The following ANGPT1 variants were observed in gnomAD, a reference collection of about 807,000 sequenced individuals.
ANGPT1 encodes the protein angiopoietin-1.
In ANGPT1, 17 loss-of-function variants were observed where a neutral mutation model predicts 62.2. The ratio of observed to expected loss-of-function variants is 0.27; its 90% CI spans 0.19 to 0.41. ANGPT1 has a LOEUF of 0.41. ANGPT1 is among the 10% of genes least tolerant of loss of function. The pLI is 1.00. For synonymous variants in ANGPT1, 199 were observed against 198.9 expected (o/e 1.00, Z 0.00); for missense variants, 478 against 594.9 (o/e 0.80, Z 2.04).
chr8:107,266,038 T>C (rs1813605571), intron 7 of ANGPT1, among the ~76,000 whole-genome samples: 1 of 152,164 alleles, frequency 6.6e-6, no homozygotes, highest in Non-Finnish European at 1.5e-5. Flanking sequence ...TGGTTCACAG[T>C]AGTACAAATA....
chr8:107,491,017 C>T lies in ANGPT1; in HGVS notation c.297+6245G>A, dbSNP rs1050052522. ...TGTAAAATATAGTTGCATCAAATTT[C>T]ACCCATCAATTTGATTATAGTCCAA... is the stretch of plus-strand genomic sequence containing the variant. On this transcript the variant is annotated intron_variant, in intron 1 of 8. Coordinates refer to ENST00000517746, the MANE Select transcript of ANGPT1 (RefSeq NM_001146.5). Among the ~76,000 whole-genome samples the T allele has an allele frequency of 7.2e-5, 11 of 152,292 alleles. No individual in the cohort carries two copies. The East Asian group carries it at 1.9e-3, about 27-fold the overall frequency.
intron 4 of ANGPT1, among the ~76,000 whole-genome samples, chr8:107,315,972 C>T (rs1815004295): frequency 4.6e-5 from 7 of 152,140 alleles, no homozygotes; most frequent in Admixed American, 4.6e-4. Context: ...CAGACTCTGT[C>T]CCACAGGCAA....
At chr8:107,330,566 T>C (rs1005849727) in intron 3 of ANGPT1, among the ~76,000 whole-genome samples, 2 of 152,106 alleles carry the variant, frequency 1.3e-5, no homozygotes, top group African/African-American at 2.4e-5. Context: ...TAGAGGAAAA[T>C]AGTCTGACTT....
At chr8:107,288,003 A>G (rs189380518) in intron 6 of ANGPT1, among the ~76,000 whole-genome samples, 31 of 152,296 alleles carry the variant, frequency 2.0e-4, no homozygotes, top group Non-Finnish European at 3.4e-4. Flanking sequence ...CTCTTCCATG[A>G]GACTGTGAGT....
At chr8:107,388,503 C>G (rs2130296105) in intron 1 of ANGPT1, among the ~76,000 whole-genome samples, 1 of 152,180 alleles carries the variant, frequency 6.6e-6, no homozygotes, top group Non-Finnish European at 1.5e-5. Flanking sequence ...GAGTCAGGTT[C>G]CATTTTGTAA....
At chr8:107,369,656 G>C (rs1350918696) in intron 1 of ANGPT1, among the ~76,000 whole-genome samples, 1 of 152,022 alleles carries the variant, frequency 6.6e-6, no homozygotes, top group Non-Finnish European at 1.5e-5. Context: ...GCCACTGTAG[G>C]GTTATTCATT....
chr8:107,451,107 C>T (rs1811767265), intron 1 of ANGPT1, among the ~76,000 whole-genome samples: 1 of 151,768 alleles, frequency 6.6e-6, no homozygotes, highest in Non-Finnish European at 1.5e-5. Flanking sequence ...GAGAAAGTGG[C>T]TTCATATATA....
chr8:107,428,212 G>T (rs1002763319), intron 1 of ANGPT1, among the ~76,000 whole-genome samples: 2 of 152,114 alleles, frequency 1.3e-5, no homozygotes, highest in Non-Finnish European at 2.9e-5. Context: ...TTCCTTCCCA[G>T]ATGACATTCA....
chr8:107,347,423 T>C (rs1309529962), intron 1 of ANGPT1, among the ~76,000 whole-genome samples: 2 of 151,938 alleles, frequency 1.3e-5, no homozygotes, highest in Non-Finnish European at 2.9e-5. Flanking sequence ...GTTTTGTTTA[T>C]TTTATAGATG....
chr8:107,441,237 C>T (rs1438187740), intron 1 of ANGPT1, among the ~76,000 whole-genome samples: 1 of 152,164 alleles, frequency 6.6e-6, no homozygotes, highest in Admixed American at 6.5e-5. Flanking sequence ...TCTATCTATC[C>T]TTAATCATCT....
At chr8:107,319,456 G>A (rs893881082) in intron 4 of ANGPT1, among the ~76,000 whole-genome samples, 13 of 151,952 alleles carry the variant, frequency 8.6e-5, no homozygotes, top group Non-Finnish European at 5.9e-5. Context: ...GCTTTAAAAT[G>A]TACATTTTAG....
intron 7 of ANGPT1, among the ~76,000 whole-genome samples, chr8:107,283,682 C>A (rs1313561624): frequency 2.0e-5 from 3 of 152,078 alleles, no homozygotes; most frequent in South Asian, 2.1e-4. Context: ...TTAATTCATA[C>A]AATCATATTT....
At chr8:107,281,401 T>C (rs1366180577) in intron 7 of ANGPT1, among the ~76,000 whole-genome samples, 1 of 152,190 alleles carries the variant, frequency 6.6e-6, no homozygotes, top group Non-Finnish European at 1.5e-5. Context: ...AAACCTAGTA[T>C]GAATTTCATA....
At chr8:107,271,037 T>C (rs1282411298) in intron 7 of ANGPT1, among the ~76,000 whole-genome samples, 1 of 151,986 alleles carries the variant, frequency 6.6e-6, no homozygotes, top group African/African-American at 2.4e-5. Flanking sequence ...TAACCCTCTA[T>C]AAAGCCATTA....
At position 107,356,628 on chromosome 8, in the gene ANGPT1, T is replaced by C. The variant is rs34298201; in HGVS notation, c.298-9531A>G. ...GAGTTAGAGCTTATATCTGAAAAAATACAGCCTGGAAAAATTGAGGGCTAG... is the reference window on the plus strand; with the variant it reads ...GAGTTAGAGCTTATATCTGAAAAAACACAGCCTGGAAAAATTGAGGGCTAG... On this transcript the variant is annotated intron_variant, in intron 1 of 8. Transcript: ENST00000517746. Among the ~76,000 whole-genome samples the C allele has an allele frequency of 9.7e-3, 1,482 of 152,162 alleles. 7 individuals are homozygous for C. Among genetic ancestry groups the C allele is most frequent in the Non-Finnish European group, 0.016 (1,116 of 68,008 alleles).
chr8:107,281,929 G>A (rs1466010401), intron 7 of ANGPT1, among the ~76,000 whole-genome samples: 3 of 151,702 alleles, frequency 2.0e-5, no homozygotes, highest in Non-Finnish European at 2.9e-5. Context: ...CAATTCAGAG[G>A]GACGAGACAT....
chr8:107,448,231 A>G (rs1811669735), intron 1 of ANGPT1, among the ~76,000 whole-genome samples: 1 of 152,236 alleles, frequency 6.6e-6, no homozygotes, highest in African/African-American at 2.4e-5. Flanking sequence ...GTGATTCTTA[A>G]CTAAATTGTT....
intron 1 of ANGPT1, among the ~76,000 whole-genome samples, chr8:107,393,578 G>A (rs1039786764): frequency 3.3e-5 from 5 of 152,168 alleles, no homozygotes; most frequent in African/African-American, 1.2e-4. Context: ...GGGAGGTGGA[G>A]GCCAGTGGAT....
intron 1 of ANGPT1, among the ~76,000 whole-genome samples, chr8:107,384,707 T>C (rs1816701247): frequency 6.6e-6 from 1 of 152,126 alleles, no homozygotes; most frequent in Non-Finnish European, 1.5e-5. Flanking sequence ...CCCAGACCAA[T>C]GTCCAGAGTG....
Sources: gnomAD v4.1 joint callset for allele counts (sites outside exome capture counted in the v4.1 genomes callset) on GRCh38, gnomAD v4.1.1 for gene constraint, MANE v1.5 for transcripts, NCBI Gene and HGNC (gene_info 2026-07-23, HGNC 2026-07-21) for gene names.